Variants in PDE4A observed in about 807,000 individuals in gnomAD.
PDE4A encodes 3',5'-cyclic-AMP phosphodiesterase 4A.
A neutral mutation model predicts 73.9 loss-of-function variants in PDE4A; 21 were observed. The observed-to-expected ratio is 0.28, with a 90% CI of 0.20 to 0.41. PDE4A has a LOEUF of 0.41. Ranked by LOEUF, PDE4A falls within the 10% of genes least tolerant of loss-of-function variation. The pLI is 1.00. For missense variants in PDE4A, 958 were observed against 1,211.4 expected (o/e 0.79, Z 3.10); for synonymous variants, 463 against 505.4 (o/e 0.92, Z 1.13).
In PDE4A at chr19:10,437,336, C is replaced by A. The variant is rs1228173283; in HGVS notation, c.321-8882C>A. 7.9e-5 allele frequency among the ~76,000 whole-genome samples: 12 copies of A among 152,188 alleles called. No individual in the cohort carries two copies. The South Asian group carries it at 2.5e-3, about 32-fold the overall frequency. On this transcript the variant is annotated intron_variant, in intron 1 of 14. Coordinates refer to ENST00000380702, the MANE Select transcript of PDE4A (RefSeq NM_001111307.2). ...ACGGGGTTTCACCATGTTGGTCAGG[C>A]TGGTCTCGAACTCCTGATCTCATGA... is the stretch of plus-strand genomic sequence containing the variant.
upstream of PDE4A, chr19:10,417,467 A>T (rs1331764589): frequency 1.0e-6 from 1 of 981,194 alleles, no homozygotes; most frequent in South Asian, 4.7e-5. Context: ...TATGGCTGAG[A>T]AGGGGCACTC....
Position 10,450,958 on chromosome 19 carries a change from C to CAGAA in PDE4A, c.783+18_783+21dup, listed in dbSNP as rs756921017. The CAGAA allele has an allele frequency of 2.7e-5, 42 of 1,574,290 alleles. No homozygotes were observed. In the Admixed American group the frequency reaches 4.5e-4, roughly 17 times the overall value. On this transcript the variant is annotated intron_variant, in intron 6 of 14. Coordinates refer to ENST00000380702, the MANE Select transcript of PDE4A (RefSeq NM_001111307.2). ...TCGCACAAGGTGTGCAGGTGGTGGGCAGAACCCCTGGGCGGGGCAGGCGGG... is the reference window on the plus strand; with the variant it reads ...TCGCACAAGGTGTGCAGGTGGTGGGCAGAAAGAACCCCTGGGCGGGGCAGGCGGG...
At chr19:10,417,723 C>T (rs759212995), upstream of PDE4A, 4 of 1,591,698 alleles carry the variant, frequency 2.5e-6, no homozygotes, top group African/African-American at 5.3e-5. Context: ...GCGTCGCCCT[C>T]GCCGCCGCCT....
At chr19:10,416,943 A>C (rs2042593643), upstream of PDE4A, 1 of 1,543,164 alleles carries the variant, frequency 6.5e-7, no homozygotes, top group African/African-American at 1.4e-5. Flanking sequence ...GGTTGGCGAG[A>C]TGAAGAGGAG....
At chr19:10,427,353 C>A in intron 1 of PDE4A, 1 of 297,104 alleles carries the variant, frequency 3.4e-6, no homozygotes, top group Non-Finnish European at 5.0e-6. Flanking sequence ...AAGAGGGTGC[C>A]AACCAGAGGG....
intron 1 of PDE4A, among the ~76,000 whole-genome samples, chr19:10,441,742 T>C (rs1052276120): frequency 7.0e-5 from 10 of 142,368 alleles, no homozygotes; most frequent in Non-Finnish European, 1.3e-4. Flanking sequence ...CAGGCTGGAG[T>C]GCAGTAGTGT....
chr19:10,434,889 CTTTTTTTTTTTT>C (rs377462932), intron 1 of PDE4A, among the ~76,000 whole-genome samples: 1 of 107,254 alleles, frequency 9.3e-6, no homozygotes, highest in African/African-American at 3.7e-5. Context: ...CTGTGCCCAG[CTTTTTTTTTTTT>C]TTTTTTTTTT....
chr19:10,451,501 T>C (rs900694438), intron 6 of PDE4A, among the ~76,000 whole-genome samples: 1 of 151,606 alleles, frequency 6.6e-6, no homozygotes, highest in East Asian at 1.9e-4. Flanking sequence ...AGCGCTGGGG[T>C]GTTGGGAATA....
chr19:10,459,194 G>A (rs887618811), intron 8 of PDE4A: 1 of 815,822 alleles, frequency 1.2e-6, no homozygotes, highest in African/African-American at 1.7e-5. Flanking sequence ...CAGATCATAA[G>A]TACTCAAAAG....
chr19:10,447,978 A>G (rs1234291675), intron 2 of PDE4A, among the ~76,000 whole-genome samples: 1 of 152,238 alleles, frequency 6.6e-6, no homozygotes, highest in Non-Finnish European at 1.5e-5. Flanking sequence ...ACCTCGGGTC[A>G]GGCTTGGAAG....
At chr19:10,430,515 G>A (rs1229909294) in intron 1 of PDE4A, among the ~76,000 whole-genome samples, 3 of 152,032 alleles carry the variant, frequency 2.0e-5, no homozygotes, top group Non-Finnish European at 2.9e-5. Context: ...GGGGCTTGTG[G>A]GGCCTGTCAA....
chr19:10,442,989 C>T (rs139368025), intron 1 of PDE4A, among the ~76,000 whole-genome samples: 1,541 of 151,734 alleles, frequency 0.01, 9 homozygotes, highest in Non-Finnish European at 0.016. Context: ...TTACATATTA[C>T]CAATATTACA....
chr19:10,464,160 C>G, intron 14 of PDE4A, 185 bp downstream of exon 14: 1 of 721,452 alleles, frequency 1.4e-6, no homozygotes, highest in Admixed American at 2.6e-5. Context: ...TACAATGGCA[C>G]GATCTTGGCT....
upstream of PDE4A, chr19:10,417,325 G>A (rs1599390056): frequency 2.0e-6 from 2 of 984,666 alleles, no homozygotes; most frequent in Non-Finnish European, 2.4e-6. Flanking sequence ...ACCAAGAGGG[G>A]CCCTCTTAGA....
At chr19:10,460,922 C>A in intron 10 of PDE4A, 82 bp from the exon 11 acceptor site, 1 of 1,452,732 alleles carries the variant, frequency 6.9e-7, no homozygotes, top group Non-Finnish European at 9.2e-7. Flanking sequence ...TCTCAGCCTC[C>A]TAAGTAGGTG....
chr19:10,434,889 C>CTTTTTTTT (rs377462932), intron 1 of PDE4A, among the ~76,000 whole-genome samples: 1 of 107,216 alleles, frequency 9.3e-6, no homozygotes. Flanking sequence ...CTGTGCCCAG[C>CTTTTTTTT]TTTTTTTTTT....
chr19:10,435,359 C>T (rs967482461), intron 1 of PDE4A, among the ~76,000 whole-genome samples: 8 of 151,584 alleles, frequency 5.3e-5, no homozygotes, highest in Non-Finnish European at 1.0e-4. Flanking sequence ...TCTAGGAGTT[C>T]AAGACCAGCC....
At position 10,432,571 on chromosome 19, in the gene PDE4A, G is replaced by T. The variant is rs561772362; in HGVS notation, c.320+11487G>T. The stretch of plus-strand genomic sequence containing the variant: ...CGGCACCCTCCGGGCAGATCTGTCA[G>T]GTGGGTGGCCCGTGGCCAGTCAGTC... On this transcript the variant is annotated intron_variant, in intron 1 of 14. Transcript: ENST00000380702. 3.2e-5 allele frequency: 48 copies of T among 1,521,442 alleles called. No homozygotes were observed. The East Asian group carries it at 9.2e-4, about 29-fold the overall frequency. The allele number at this position is 1,521,442 out of a possible 1,614,324, so 94.2% of individuals were successfully genotyped here.
At chr19:10,433,587 C>T (rs1365938157) in intron 1 of PDE4A, among the ~76,000 whole-genome samples, 1 of 152,184 alleles carries the variant, frequency 6.6e-6, no homozygotes, top group Non-Finnish European at 1.5e-5. Flanking sequence ...AGCACCCAGC[C>T]CCTGCTCACA....
Sources: allele counts gnomAD v4.1 joint callset (sites outside exome capture counted in the v4.1 genomes callset), GRCh38; gene constraint gnomAD v4.1.1; transcripts MANE v1.5; gene names NCBI Gene and HGNC (gene_info 2026-07-23, HGNC 2026-07-21).